Variants in PMS1 observed in about 807,000 individuals in gnomAD.
PMS1 encodes the protein PMS1 protein homolog 1.
A neutral mutation model predicts 93.1 loss-of-function variants in PMS1; 79 were observed. The observed-to-expected ratio is 0.85, with a 90% CI of 0.71 to 1.02. PMS1 has a LOEUF of 1.02. PMS1 is among the 50% of genes least tolerant of loss of function. PMS1 has a pLI of 0.00. For missense variants in PMS1, 1,064 were observed against 1,085.3 expected (o/e 0.98, Z 0.28); for synonymous variants, 335 against 363.4 (o/e 0.92, Z 0.89).
chr2:189,854,159 A>G (rs1559304171), intron 8 of PMS1, 77 bp downstream of exon 8: 16 of 1,381,780 alleles, frequency 1.2e-5, no homozygotes, highest in Non-Finnish European at 1.4e-5. Context: ...AGATTTGTTT[A>G]TATTTATCTT....
chr2:189,845,411 T>G (rs2054170823), intron 6 of PMS1, among the ~76,000 whole-genome samples: 1 of 152,192 alleles, frequency 6.6e-6, no homozygotes, highest in Admixed American at 6.5e-5. Flanking sequence ...TATCATGTTT[T>G]TCTTTGCTTA....
chr2:189,843,945 A>C lies in PMS1; in HGVS notation c.583-19A>C. The C allele has an allele frequency of 1.3e-6, 2 of 1,585,390 alleles. No homozygotes were observed. Among genetic ancestry groups the C allele is most frequent in the Non-Finnish European group, 1.7e-6 (2 of 1,154,120 alleles). On this transcript the variant is annotated intron_variant, in intron 5 of 12. Coordinates refer to ENST00000441310, the MANE Select transcript of PMS1 (RefSeq NM_000534.5). ...ATCTAAATTGTATTAAAAGTTATCT[A>C]TATCATTTTTGTCCCTAGGCAGTTA...
At chr2:189,814,094 C>T (rs928726242) in intron 4 of PMS1, among the ~76,000 whole-genome samples, 1 of 152,114 alleles carries the variant, frequency 6.6e-6, no homozygotes, top group Non-Finnish European at 1.5e-5. Flanking sequence ...TCTTGATCTC[C>T]ATCAGCTTTT....
At chr2:189,795,039 A>G (rs985192186) in intron 2 of PMS1, among the ~76,000 whole-genome samples, 10 of 152,230 alleles carry the variant, frequency 6.6e-5, no homozygotes, top group African/African-American at 2.4e-4. Context: ...TCAAGGCTAC[A>G]GTGAGCTGTG....
At chr2:189,860,158 C>G (rs2055801936) in intron 9 of PMS1, among the ~76,000 whole-genome samples, 1 of 152,154 alleles carries the variant, frequency 6.6e-6, no homozygotes, top group African/African-American at 2.4e-5. Context: ...CATGTGTACA[C>G]ACACATAAAC....
intron 5 of PMS1, among the ~76,000 whole-genome samples, chr2:189,829,723 C>T (rs5743063): frequency 0.3 from 45,532 of 151,980 alleles, 7,706 homozygotes; most frequent in African/African-American, 0.47. Context: ...TTTTTCCAGT[C>T]AGCAAACCAG....
intron 4 of PMS1, chr2:189,806,590 G>A (rs1001696842): frequency 3.0e-4 from 60 of 197,144 alleles, no homozygotes; most frequent in Admixed American, 2.0e-3. Flanking sequence ...TAGAGACAGG[G>A]TTTTGCTGTG....
chr2:189,824,519 G>C lies in PMS1; in HGVS notation c.582+6339G>C, dbSNP rs374133462. Among the ~76,000 whole-genome samples the C allele has an allele frequency of 3.9e-5, 6 of 152,040 alleles. No individual in the cohort carries two copies. In the East Asian group the frequency reaches 5.8e-4, roughly 15 times the overall value. ...TTCTGTTAGGAAATAAAAGAAATTG[G>C]AAAGCAGTATTTATAGTGTACTACA... On this transcript the variant is annotated intron_variant, in intron 5 of 12. Transcript: ENST00000441310.
chr2:189,817,940 T>C lies in PMS1; in HGVS notation c.419-77T>C, dbSNP rs561760463. 106 of 1,151,562 alleles carry C rather than the reference T, an allele frequency of 9.2e-5. No individual in the cohort carries two copies. The South Asian group carries it at 1.3e-3, about 14-fold the overall frequency. The allele number at this position is 1,151,562 out of a possible 1,614,324, so 71.3% of individuals were successfully genotyped here. A position where few individuals can be genotyped will look rare whatever the true frequency, so the allele number is the denominator to read the frequency against. On this transcript the variant is annotated intron_variant, in intron 4 of 12. Coordinates refer to ENST00000441310, the MANE Select transcript of PMS1 (RefSeq NM_000534.5). The stretch of plus-strand genomic sequence containing the variant: ...ACCTTCAGTTATAGAAGGGGTTAAT[T>C]ACAAATTGTATACGGATTTGAAGAT...
At chr2:189,788,703 A>G (rs1048316606) in intron 1 of PMS1, among the ~76,000 whole-genome samples, 1 of 152,194 alleles carries the variant, frequency 6.6e-6, no homozygotes, top group Non-Finnish European at 1.5e-5. Context: ...AATAGGATAA[A>G]ATCATTTCAT....
chr2:189,801,188 A>G (rs894294458), intron 3 of PMS1, among the ~76,000 whole-genome samples: 1 of 152,134 alleles, frequency 6.6e-6, no homozygotes, highest in Non-Finnish European at 1.5e-5. Context: ...AGAGTAAACT[A>G]TTGGTATTTT....
intron 5 of PMS1, among the ~76,000 whole-genome samples, chr2:189,823,324 C>T (rs535042805): frequency 1.3e-5 from 2 of 151,812 alleles, no homozygotes; most frequent in East Asian, 3.9e-4. Context: ...GCACAATGTG[C>T]AAGTTTGTTA....
chr2:189,846,112 G>A (rs1166330865), intron 6 of PMS1, among the ~76,000 whole-genome samples: 3 of 152,186 alleles, frequency 2.0e-5, no homozygotes, highest in South Asian at 2.1e-4. Flanking sequence ...GTGGCTGGGC[G>A]TGGTGGGTCA....
intron 4 of PMS1, among the ~76,000 whole-genome samples, chr2:189,808,872 G>A (rs1362219286): frequency 6.6e-6 from 1 of 152,138 alleles, no homozygotes; most frequent in Non-Finnish European, 1.5e-5. Flanking sequence ...AGAACATGGA[G>A]TAAATTAATA....
At chr2:189,871,161 A>G (rs1169098168) in intron 11 of PMS1, among the ~76,000 whole-genome samples, 1 of 152,218 alleles carries the variant, frequency 6.6e-6, no homozygotes, top group Non-Finnish European at 1.5e-5. Flanking sequence ...GTGAAATTAA[A>G]TAGTGATGAC....
At chr2:189,875,781 C>T (rs963099682) in intron 12 of PMS1, among the ~76,000 whole-genome samples, 8 of 151,478 alleles carry the variant, frequency 5.3e-5, no homozygotes, top group African/African-American at 1.7e-4. Context: ...GGTGAAGTCC[C>T]GTCTCTACCA....
chr2:189,808,828 G>T (rs2050574520), intron 4 of PMS1, among the ~76,000 whole-genome samples: 1 of 152,094 alleles, frequency 6.6e-6, no homozygotes, highest in Non-Finnish European at 1.5e-5. Flanking sequence ...AAGAAAAATA[G>T]AAATACATCT....
intron 11 of PMS1, among the ~76,000 whole-genome samples, chr2:189,870,728 A>C (rs1358938014): frequency 3.3e-5 from 5 of 152,186 alleles, no homozygotes; most frequent in Non-Finnish European, 7.3e-5. Flanking sequence ...ATAGTGAAAA[A>C]TCACTTAGAC....
At chr2:189,807,893 C>T (rs1428392336) in intron 4 of PMS1, among the ~76,000 whole-genome samples, 1 of 152,032 alleles carries the variant, frequency 6.6e-6, no homozygotes, top group East Asian at 1.9e-4. Flanking sequence ...TCAGTTTTTT[C>T]ACCTAATTAT....
Sources: gnomAD v4.1 joint callset for allele counts (sites outside exome capture counted in the v4.1 genomes callset) on GRCh38, gnomAD v4.1.1 for gene constraint, MANE v1.5 for transcripts, NCBI Gene and HGNC (gene_info 2026-07-23, HGNC 2026-07-21) for gene names.